SCIMP: variants seen among roughly 807,000 people sequenced by gnomAD.
SCIMP encodes the protein SLP adaptor and CSK interacting membrane protein.
In SCIMP, 18 loss-of-function variants were observed where a neutral mutation model predicts 22.0. The ratio of observed to expected loss-of-function variants is 0.82; its 90% CI spans 0.56 to 1.21. The LOEUF is 1.21. Ranked by LOEUF, SCIMP falls within the 50% of genes most tolerant of loss-of-function variation. The pLI is 0.00. For missense variants in SCIMP, 155 were observed against 171.2 expected, an observed-to-expected ratio of 0.91 and a Z score of 0.53; for synonymous variants, 53 against 62.2, an observed-to-expected ratio of 0.85 and a Z score of 0.70.
intron 1 of SCIMP, among the ~76,000 whole-genome samples, chr17:5,234,224 T>G (rs2074726186): frequency 2.0e-5 from 3 of 151,792 alleles, no homozygotes; most frequent in Admixed American, 2.0e-4. Context: ...TGAGCCGAGA[T>G]CACGTCACTG....
chr17:5,223,223 A>G, intron 2 of SCIMP, 110 bp downstream of exon 2: 1 of 1,217,440 alleles, frequency 8.2e-7, no homozygotes, highest in Non-Finnish European at 1.2e-6. Context: ...GCTTAATCCA[A>G]AATTCAGCTC....
intron 4 of SCIMP, among the ~76,000 whole-genome samples, chr17:5,211,721 A>T (rs533310781): frequency 6.6e-6 from 1 of 152,272 alleles, no homozygotes; most frequent in South Asian, 2.1e-4. Context: ...CTAAGAAGAA[A>T]GGGGATGGCG....
In SCIMP at chr17:5,232,378, A is replaced by AAACAGTGCAGTATAAACAGTGCAGTG. The variant is rs1555615393; in HGVS notation, c.21+2356_21+2357insCACTGCACTGTTTATACTGCACTGTT. Among the ~76,000 whole-genome samples, 679 of 138,668 alleles carry AAACAGTGCAGTATAAACAGTGCAGTG rather than the reference A, an allele frequency of 4.9e-3. 25 individuals are homozygous for AAACAGTGCAGTATAAACAGTGCAGTG. Among genetic ancestry groups the AAACAGTGCAGTATAAACAGTGCAGTG allele is most frequent in the Non-Finnish European group, 7.7e-3 (504 of 65,134 alleles). The allele number at this position is 138,668 out of a possible 152,430, so 91.0% of individuals were successfully genotyped here. A position where few individuals can be genotyped will look rare whatever the true frequency, so the allele number is the denominator to read the frequency against. ...AACAGTGCAGTGTAAACAGTGCAGT[A>AAACAGTGCAGTATAAACAGTGCAGTG]TAAACAGTGCAGTATAAACAGTATA... On this transcript the variant is annotated intron_variant, in intron 1 of 4. Coordinates refer to ENST00000574081, the MANE Select transcript of SCIMP (RefSeq NM_207103.3).
chr17:5,214,158 C>T (rs763439613), intron 4 of SCIMP: 2 of 152,240 alleles, frequency 1.3e-5, no homozygotes, highest in Non-Finnish European at 2.9e-5. Context: ...CGGCCAACAC[C>T]CTCATCTCGG....
intron 1 of SCIMP, among the ~76,000 whole-genome samples, chr17:5,227,572 C>A (rs537569088): frequency 1.5e-4 from 23 of 152,248 alleles, no homozygotes; most frequent in East Asian, 1.4e-3. Flanking sequence ...CTGAATAGAA[C>A]CAGAGAGAAG....
intron 4 of SCIMP, chr17:5,213,873 A>C (rs558650637): frequency 2.6e-5 from 4 of 152,274 alleles, no homozygotes; most frequent in African/African-American, 9.6e-5. Context: ...AGGATGCTGC[A>C]TCTATAAATC....
At position 5,209,994 on chromosome 17, in the gene SCIMP, C is replaced by T. The variant is rs1020491337; in HGVS notation, c.*807G>A. The stretch of plus-strand genomic sequence containing the variant: ...CATGCCCCTTTTCTTTCCTGTTCCC[C>T]ATGATTTGTCCTGGGGGAAATGTAT... On this transcript the variant is annotated 3_prime_UTR_variant, in exon 5 of 5. Coordinates refer to ENST00000574081, the MANE Select transcript of SCIMP (RefSeq NM_207103.3). The T allele has an allele frequency of 1.3e-5, 2 of 152,176 alleles. No homozygotes were observed. Among genetic ancestry groups the T allele is most frequent in the Non-Finnish European group, 2.9e-5 (2 of 68,050 alleles). The allele number at this position is 152,176 out of a possible 1,614,324, so 9.4% of individuals were successfully genotyped here.
Position 5,219,852 on chromosome 17 carries a change from C to T in SCIMP, c.209+1435G>A, listed in dbSNP as rs375405724. Among the ~76,000 whole-genome samples the T allele has an allele frequency of 2.4e-4, 37 of 152,256 alleles. No homozygotes were observed. The South Asian group carries it at 7.7e-3, about 32-fold the overall frequency. ...TACTCCAAGGCTCAGGTGAGGTTCT[C>T]CAGTCAGCAGTGCTTCGCGTCTGTT... On this transcript the variant is annotated intron_variant, in intron 3 of 4. Coordinates refer to ENST00000574081, the MANE Select transcript of SCIMP (RefSeq NM_207103.3).
At chr17:5,222,449 G>C (rs1165037018) in intron 2 of SCIMP, among the ~76,000 whole-genome samples, 1 of 152,050 alleles carries the variant, frequency 6.6e-6, no homozygotes, top group Non-Finnish European at 1.5e-5. Flanking sequence ...TAAAGCTTTC[G>C]TGTTTCTGGA....
chr17:5,216,999 C>T (rs565996425), intron 3 of SCIMP, among the ~76,000 whole-genome samples: 4 of 152,242 alleles, frequency 2.6e-5, no homozygotes, highest in East Asian at 1.9e-4. Flanking sequence ...GCTATAAAGT[C>T]CCCCTGAGAA....
intron 4 of SCIMP, among the ~76,000 whole-genome samples, chr17:5,211,288 C>T (rs1490361012): frequency 6.6e-6 from 1 of 152,124 alleles, no homozygotes; most frequent in East Asian, 1.9e-4. Flanking sequence ...CTGGGAGGCC[C>T]AGGTGGGAGG....
chr17:5,209,695 A>G lies in SCIMP; in HGVS notation c.*1106T>C, dbSNP rs555715438. ...GGGCTCTGGCGATCAGCTAGAAGGA[A>G]TTGATGAGGTCTAAGAGCCTATAAA... On this transcript the variant is annotated 3_prime_UTR_variant, in exon 5 of 5. Transcript: ENST00000574081. 2.0e-5 allele frequency: 3 copies of G among 152,272 alleles called. No individual in the cohort carries two copies. Among genetic ancestry groups the G allele is most frequent in the African/African-American group, 7.2e-5 (3 of 41,556 alleles). 9.4% of individuals were successfully genotyped at this position (152,272 alleles called of 1,614,324 possible).
Position 5,210,950 on chromosome 17 carries a change from G to C in SCIMP, c.289C>G (p.Gln97Glu), listed in dbSNP as rs1040653784. The change falls in exon 5 of 5, where the codon CAG becomes GAG. Residue 97 changes from glutamine (Q) to glutamate (E), a missense_variant. By Grantham distance (29) the Gln-to-Glu change is conservative (BLOSUM62 2). Coordinates refer to ENST00000574081, the MANE Select transcript of SCIMP (RefSeq NM_207103.3). ...NWPSLEDSSP[Q>E]EAPSQPPATY... ...GCGGGCGGCTGACTTGGGGCTTCCT[G>C]TGGGGCTAGAATACACAAAAAGCTC... The C allele has an allele frequency of 1.2e-6, 2 of 1,610,588 alleles. No homozygotes were observed. Among genetic ancestry groups the C allele is most frequent in the Non-Finnish European group, 8.5e-7 (1 of 1,179,128 alleles).
At chr17:5,232,022 C>T (rs530268624) in intron 1 of SCIMP, among the ~76,000 whole-genome samples, 2 of 151,952 alleles carry the variant, frequency 1.3e-5, no homozygotes, top group Admixed American at 6.6e-5. Context: ...CGCCACTGCA[C>T]TCCAGCCTGG....
chr17:5,224,015 G>A (rs551765882), intron 1 of SCIMP, among the ~76,000 whole-genome samples: 85 of 152,348 alleles, frequency 5.6e-4, no homozygotes, highest in African/African-American at 1.9e-3. Context: ...ACTGAGGTTT[G>A]TGAGGACTGG....
At chr17:5,220,271 G>A (rs2074596052) in intron 3 of SCIMP, among the ~76,000 whole-genome samples, 2 of 152,096 alleles carry the variant, frequency 1.3e-5, no homozygotes, top group African/African-American at 4.8e-5. Context: ...AGCCCAACCT[G>A]TGACCTTTGT....
chr17:5,223,464 G>A lies in SCIMP; in HGVS notation c.22-8C>T, dbSNP rs1459960417. ...GCTCATTGCAGTGGAATCCTGAGAA[G>A]AATGGAGAGAGAAGAATGAGGTATG... On this transcript the variant is annotated splice_region_variant and splice_polypyrimidine_tract_variant and intron_variant, in intron 1 of 4. Transcript: ENST00000574081. The A allele has an allele frequency of 6.2e-7, 1 of 1,613,512 alleles. No homozygotes were observed. The highest frequency in any genetic ancestry group is 1.7e-5 in the Admixed American group (1 of 59,996).
chr17:5,230,765 AAAAACAAAAC>A (rs746736451), intron 1 of SCIMP, among the ~76,000 whole-genome samples: 14 of 152,000 alleles, frequency 9.2e-5, no homozygotes, highest in African/African-American at 2.2e-4. Flanking sequence ...TACTGAAAAT[AAAAACAAAAC>A]AAAACAAAAC....
chr17:5,210,799 T>C lies in SCIMP; in HGVS notation c.*2A>G, dbSNP rs370565939. ...TTTTGCCAAAAAGAAGAAATGGCTGTTTCAAAATGATGCTTTTTCAGTATT... is the reference window on the plus strand; with the variant it reads ...TTTTGCCAAAAAGAAGAAATGGCTGCTTCAAAATGATGCTTTTTCAGTATT... On this transcript the variant is annotated 3_prime_UTR_variant, in exon 5 of 5. Transcript: ENST00000574081. The C allele has an allele frequency of 6.2e-7, 1 of 1,604,108 alleles. No homozygotes were observed. Among genetic ancestry groups the C allele is most frequent in the Non-Finnish European group, 8.5e-7 (1 of 1,177,654 alleles).
Sources: allele counts gnomAD v4.1 joint callset (sites outside exome capture counted in the v4.1 genomes callset), GRCh38; gene constraint gnomAD v4.1.1; transcripts MANE v1.5; gene names NCBI Gene and HGNC (gene_info 2026-07-23, HGNC 2026-07-21).